The following ULK4 variants were observed in gnomAD, a reference collection of about 807,000 sequenced individuals.
ULK4 encodes unc-51 like kinase 4.
ULK4 carries 133 observed loss-of-function variants against 160.6 expected under a neutral mutation model. That is an observed-to-expected ratio of 0.83 (90% CI 0.72 to 0.96). The LOEUF (loss-of-function observed/expected upper bound fraction) is 0.96, where lower values mean the gene tolerates loss of function less well. Among genes scored for constraint, ULK4 ranks in the 40% least tolerant of loss-of-function variants. ULK4 has a pLI of 0.00. For missense variants in ULK4, 1,580 were observed against 1,499.5 expected, an observed-to-expected ratio of 1.05 and a Z score of -0.89; for synonymous variants, 534 against 539.8, an observed-to-expected ratio of 0.99 and a Z score of 0.15.
chr3:41,893,532 T>C (rs1481267913), intron 16 of ULK4, among the ~76,000 whole-genome samples: 2 of 152,114 alleles, frequency 1.3e-5, no homozygotes, highest in African/African-American at 4.8e-5. Context: ...TTTACTGCCT[T>C]CTATCCATCT....
At chr3:41,297,521 T>C (rs2125708158) in intron 35 of ULK4, among the ~76,000 whole-genome samples, 1 of 152,344 alleles carries the variant, frequency 6.6e-6, no homozygotes, top group Admixed American at 6.5e-5. Context: ...ACAAGAGGTC[T>C]CAGCCCTGTT....
intron 17 of ULK4, among the ~76,000 whole-genome samples, chr3:41,864,564 C>G (rs1397777125): frequency 6.6e-6 from 1 of 151,964 alleles, no homozygotes; most frequent in Non-Finnish European, 1.5e-5. Flanking sequence ...CCTCATTATT[C>G]TCTTTCTCAC....
At chr3:41,351,290 G>C (rs57936903) in intron 35 of ULK4, among the ~76,000 whole-genome samples, 1 of 152,160 alleles carries the variant, frequency 6.6e-6, no homozygotes, top group African/African-American at 2.4e-5. Context: ...GATTGGTAGT[G>C]GATGGCCTAG....
chr3:41,538,874 G>C (rs1044990086), intron 32 of ULK4, among the ~76,000 whole-genome samples: 6 of 151,870 alleles, frequency 4.0e-5, no homozygotes, highest in Non-Finnish European at 5.9e-5. Flanking sequence ...ATAAGCATGT[G>C]TATGCATGAG....
At chr3:41,593,798 G>A (rs1226636345) in intron 31 of ULK4, among the ~76,000 whole-genome samples, 1 of 152,174 alleles carries the variant, frequency 6.6e-6, no homozygotes, top group Non-Finnish European at 1.5e-5. Flanking sequence ...TGAGGGGGCT[G>A]AGGTGGGCAG....
At chr3:41,599,800 A>G (rs1351206212) in intron 31 of ULK4, among the ~76,000 whole-genome samples, 2 of 152,002 alleles carry the variant, frequency 1.3e-5, no homozygotes, top group East Asian at 3.9e-4. Context: ...CCCGGCCTCA[A>G]GTTATCTGCC....
chr3:41,306,743 T>C (rs2079948139), intron 35 of ULK4, among the ~76,000 whole-genome samples: 1 of 151,782 alleles, frequency 6.6e-6, no homozygotes, highest in Admixed American at 6.6e-5. Context: ...AATCGGATGG[T>C]TGCCGTGTCT....
At chr3:41,829,198 A>T (rs1193418042) in intron 18 of ULK4, among the ~76,000 whole-genome samples, 1 of 149,974 alleles carries the variant, frequency 6.7e-6, no homozygotes, top group African/African-American at 2.5e-5. Context: ...AAACCCTAGA[A>T]GAAAACCTAG....
chr3:41,398,553 A>ATTT lies in ULK4; in HGVS notation c.3493-292_3493-290dup, dbSNP rs11321558. 3.6e-4 allele frequency among the ~76,000 whole-genome samples: 47 copies of ATTT among 130,642 alleles called. 2 individuals carry two copies. Among genetic ancestry groups the ATTT allele is most frequent in the Admixed American group, 4.6e-4 (6 of 13,044 alleles). 85.7% of individuals were successfully genotyped at this position (130,642 alleles called of 152,430 possible). ...CACACACCATCATCATGCCCAGCTAATTTTTTTTTTTTTTTTTTGGTAGAG... is the reference window on the plus strand; with the variant it reads ...CACACACCATCATCATGCCCAGCTAATTTTTTTTTTTTTTTTTTTTTGGTAGAG... On this transcript the variant is annotated intron_variant, in intron 34 of 36. Coordinates refer to ENST00000301831, the MANE Select transcript of ULK4 (RefSeq NM_017886.4).
At chr3:41,434,545 A>C (rs1255892018) in intron 34 of ULK4, among the ~76,000 whole-genome samples, 5 of 152,200 alleles carry the variant, frequency 3.3e-5, no homozygotes, top group Non-Finnish European at 5.9e-5. Flanking sequence ...AAGAGTTTGA[A>C]TTATTTTTAC....
intron 35 of ULK4, among the ~76,000 whole-genome samples, chr3:41,370,678 C>CCCGCAGGTG (rs1281823432): frequency 6.6e-6 from 1 of 152,184 alleles, no homozygotes; most frequent in African/African-American, 2.4e-5. Flanking sequence ...CCAGGAAATT[C>CCCGCAGGTG]CCGCAGGTGC....
At chr3:41,585,672 C>T (rs2030740940) in intron 31 of ULK4, among the ~76,000 whole-genome samples, 1 of 152,014 alleles carries the variant, frequency 6.6e-6, no homozygotes, top group South Asian at 2.1e-4. Context: ...ATAAATGAGA[C>T]CACATCAAAT....
chr3:41,554,366 T>A (rs187592296), intron 32 of ULK4, among the ~76,000 whole-genome samples: 371 of 152,290 alleles, frequency 2.4e-3, no homozygotes, highest in East Asian at 0.013. Context: ...GGAATACTAT[T>A]CAGCCATAAA....
At chr3:41,398,720 A>T (rs1264672395) in intron 34 of ULK4, among the ~76,000 whole-genome samples, 2 of 151,938 alleles carry the variant, frequency 1.3e-5, no homozygotes, top group Non-Finnish European at 2.9e-5. Context: ...CATCTTTTTC[A>T]AAGTGTATGT....
At chr3:41,622,118 C>T (rs935631099) in intron 30 of ULK4, among the ~76,000 whole-genome samples, 2 of 152,312 alleles carry the variant, frequency 1.3e-5, no homozygotes, top group African/African-American at 4.8e-5. Context: ...ACACCAGATA[C>T]TGGCAAGGCT....
At chr3:41,516,543 A>T (rs1390284370) in intron 32 of ULK4, among the ~76,000 whole-genome samples, 2 of 152,152 alleles carry the variant, frequency 1.3e-5, no homozygotes, top group East Asian at 3.9e-4. Context: ...ACATGGATGG[A>T]ACTGAAGGTC....
At chr3:41,268,813 C>CA (rs1176923529) in intron 35 of ULK4, among the ~76,000 whole-genome samples, 373 of 29,020 alleles carry the variant, frequency 0.013, 2 homozygotes, top group South Asian at 0.029. Flanking sequence ...CACACACACA[C>CA]AAAAAAAAAA....
intron 22 of ULK4, among the ~76,000 whole-genome samples, chr3:41,744,489 TAAG>T (rs1279037950): frequency 6.6e-6 from 1 of 151,760 alleles, no homozygotes; most frequent in East Asian, 1.9e-4. Context: ...CATCTGTACA[TAAG>T]AAAACATAAT....
chr3:41,431,595 T>A (rs1224872310), intron 34 of ULK4, among the ~76,000 whole-genome samples: 1 of 136,142 alleles, frequency 7.3e-6, no homozygotes, highest in East Asian at 2.4e-4. Context: ...AACTTGCTCA[T>A]GGTCATTCAT....
Sources: gnomAD v4.1 joint callset for allele counts (sites outside exome capture counted in the v4.1 genomes callset) on GRCh38, gnomAD v4.1.1 for gene constraint, MANE v1.5 for transcripts, NCBI Gene and HGNC (gene_info 2026-07-23, HGNC 2026-07-21) for gene names.